The following PCBP3 variants were observed in gnomAD, a reference collection of about 807,000 sequenced individuals.
PCBP3 encodes the protein poly(rC) binding protein 3.
Under a neutral mutation model 52.7 loss-of-function variants are expected in PCBP3, and 25 were observed. The observed-to-expected ratio is 0.47, with a 90% CI of 0.35 to 0.66. PCBP3 has a LOEUF of 0.66. PCBP3 is among the 30% of genes least tolerant of loss of function. The pLI, the probability that PCBP3 is intolerant of heterozygous loss-of-function variation, is 0.01. For missense variants in PCBP3, 391 were observed against 490.3 expected (o/e 0.80, Z 1.91); for synonymous variants, 162 against 183.0 (o/e 0.89, Z 0.93).
intron 2 of PCBP3, among the ~76,000 whole-genome samples, chr21:45,734,888 C>T (rs936031701): frequency 6.6e-6 from 1 of 152,198 alleles, no homozygotes; most frequent in East Asian, 1.9e-4. Context: ...GGACAGAGGC[C>T]GGCTGTCTGT....
rs1569474835 is a variant in PCBP3 at position 45,901,744 on chromosome 21, A to AGAGACAGAGAGATGAG, written c.339+631_339+632insGAGACAGAGAGATGAG. Among the ~76,000 whole-genome samples, 208 of 86,788 alleles carry AGAGACAGAGAGATGAG rather than the reference A, an allele frequency of 2.4e-3. 1 individual carries two copies. The highest frequency in any genetic ancestry group is 0.011 in the African/African-American group (185 of 16,698). 56.9% of individuals were successfully genotyped at this position (86,788 alleles called of 152,430 possible). A position where few individuals can be genotyped will look rare whatever the true frequency, so the allele number is the denominator to read the frequency against. ...GAGAGATGAGAGAGAGAGAGACAGA[A>AGAGACAGAGAGATGAG]AGAGAGAGAGACAGAGACAGAGAGA... On this transcript the variant is annotated intron_variant, in intron 9 of 17. Coordinates refer to ENST00000681687, the MANE Select transcript of PCBP3 (RefSeq NM_001384156.1).
At chr21:45,753,439 C>T (rs979434406) in intron 3 of PCBP3, among the ~76,000 whole-genome samples, 1 of 151,544 alleles carries the variant, frequency 6.6e-6, no homozygotes, top group African/African-American at 2.4e-5. Flanking sequence ...TCTCTGTATC[C>T]GAGTGTTTTA....
In PCBP3 at chr21:45,812,032, A is replaced by T. The variant is rs187703477; in HGVS notation, c.-125-37929A>T. ...GCTTTGTATTTTTGTTGTTTTAAAA[A>T]TTTTAATATACAATTTTATCATTGT... On this transcript the variant is annotated intron_variant, in intron 4 of 17. Coordinates refer to ENST00000681687, the MANE Select transcript of PCBP3 (RefSeq NM_001384156.1). 5.7e-3 allele frequency among the ~76,000 whole-genome samples: 872 copies of T among 152,202 alleles called. 7 individuals are homozygous for T. Among genetic ancestry groups the T allele is most frequent in the African/African-American group, 0.02 (815 of 41,526 alleles).
chr21:45,679,171 T>G (rs1191986307), intron 2 of PCBP3, among the ~76,000 whole-genome samples: 1 of 151,002 alleles, frequency 6.6e-6, no homozygotes, highest in Admixed American at 6.7e-5. Context: ...CAGGCTGGAG[T>G]GTGCAGTGGT....
At chr21:45,657,806 T>C (rs1165679809) in intron 1 of PCBP3, among the ~76,000 whole-genome samples, 1 of 152,240 alleles carries the variant, frequency 6.6e-6, no homozygotes, top group Non-Finnish European at 1.5e-5. Flanking sequence ...TAATAGTTTT[T>C]TAGTGGATTC....
chr21:45,866,321 C>T (rs1393670441), intron 5 of PCBP3, among the ~76,000 whole-genome samples: 3 of 152,192 alleles, frequency 2.0e-5, no homozygotes, highest in Non-Finnish European at 2.9e-5. Context: ...AGACCTGTGG[C>T]CCAGTGACAG....
chr21:45,870,045 TTTG>T (rs1368646286), intron 5 of PCBP3, among the ~76,000 whole-genome samples: 17 of 148,672 alleles, frequency 1.1e-4, no homozygotes, highest in Admixed American at 1.1e-3. Flanking sequence ...TGAATTTATT[TTTG>T]TTCATTTATT....
At chr21:45,940,782 C>CGCCAGGCACACTGTACCCCCAGCCCCCCA (rs2077375012) in intron 17 of PCBP3, among the ~76,000 whole-genome samples, 1 of 129,346 alleles carries the variant, frequency 7.7e-6, no homozygotes, top group Non-Finnish European at 1.6e-5. Context: ...CCACCAGCCC[C>CGCCAGGCACACTGTACCCCCAGCCCCCCA]GCCAGGCACA....
intron 4 of PCBP3, among the ~76,000 whole-genome samples, chr21:45,771,328 T>C (rs2089846496): frequency 6.6e-6 from 1 of 152,246 alleles, no homozygotes; most frequent in Non-Finnish European, 1.5e-5. Flanking sequence ...TAAAGTTCTG[T>C]CTCAAGCACA....
intron 4 of PCBP3, among the ~76,000 whole-genome samples, chr21:45,832,340 C>T (rs988033769): frequency 1.3e-5 from 2 of 152,190 alleles, no homozygotes; most frequent in Non-Finnish European, 2.9e-5. Flanking sequence ...CCTGTTTTAT[C>T]AGCAGGGTCT....
chr21:45,817,129 GTTT>G lies in PCBP3; in HGVS notation c.-125-32829_-125-32827del, dbSNP rs1449124207. On this transcript the variant is annotated intron_variant, in intron 4 of 17. Coordinates refer to ENST00000681687, the MANE Select transcript of PCBP3 (RefSeq NM_001384156.1). The surrounding 1 kb of genome is among the most constrained non-coding windows in gnomAD (Gnocchi z 4.3). ...TGGGGTGTTGTGTTTGTTGTTTTTG[GTTT>G]TTATTTCTGCAGGCATCTAATTTAC... Among the ~76,000 whole-genome samples the G allele has an allele frequency of 6.6e-6, 1 of 152,162 alleles. No homozygotes were observed. The highest frequency in any genetic ancestry group is 1.5e-5 in the Non-Finnish European group (1 of 68,028).
rs1273586493 is a variant in PCBP3, at chr21:45,852,787, AC to A, written c.10+2693del. Among the ~76,000 whole-genome samples the A allele has an allele frequency of 6.6e-5, 10 of 152,386 alleles. No individual in the cohort carries two copies. The South Asian group carries it at 1.9e-3, about 28-fold the overall frequency. On this transcript the variant is annotated intron_variant, in intron 5 of 17. Transcript: ENST00000681687. The stretch of plus-strand genomic sequence containing the variant: ...GGAACACAGCCCTGTAAACACCGTG[AC>A]TTGTCTAGTGAGATCTGATTCAGAC...
chr21:45,864,685 C>G (rs554013898), intron 5 of PCBP3, among the ~76,000 whole-genome samples: 19 of 152,202 alleles, frequency 1.2e-4, no homozygotes, highest in Non-Finnish European at 1.6e-4. Flanking sequence ...AAAAATGTTC[C>G]CAGAAATAGC....
chr21:45,797,103 G>C (rs2091957705), intron 4 of PCBP3, among the ~76,000 whole-genome samples: 1 of 152,208 alleles, frequency 6.6e-6, no homozygotes, highest in Non-Finnish European at 1.5e-5. Context: ...ACATGGTACA[G>C]TATTTGGGGT....
intron 4 of PCBP3, among the ~76,000 whole-genome samples, chr21:45,775,856 T>G (rs775688914): frequency 1.3e-5 from 2 of 152,224 alleles, no homozygotes; most frequent in African/African-American, 2.4e-5. Context: ...TGATTTTTAT[T>G]ATTTCTTCTC....
intron 3 of PCBP3, among the ~76,000 whole-genome samples, chr21:45,738,288 T>TC (rs1199944294): frequency 1.3e-5 from 2 of 149,430 alleles, no homozygotes; most frequent in Non-Finnish European, 3.0e-5. Flanking sequence ...ACAGTCTAGC[T>TC]CTGTCGCCCA....
At chr21:45,797,167 T>C (rs2091961437) in intron 4 of PCBP3, among the ~76,000 whole-genome samples, 1 of 152,192 alleles carries the variant, frequency 6.6e-6, no homozygotes, top group Non-Finnish European at 1.5e-5. Flanking sequence ...GATGGACAGA[T>C]GTATGGATCC....
intron 12 of PCBP3, chr21:45,916,780 T>C (rs886132896): frequency 3.3e-5 from 5 of 152,262 alleles, no homozygotes; most frequent in African/African-American, 1.2e-4. Context: ...TCCTGACAGC[T>C]GTTCGTGGTC....
intron 4 of PCBP3, among the ~76,000 whole-genome samples, chr21:45,775,750 G>T (rs2090204251): frequency 6.6e-6 from 1 of 152,198 alleles, no homozygotes; most frequent in East Asian, 1.9e-4. Flanking sequence ...CTAGCTAGTG[G>T]TTTATCAATT....
Sources: allele counts gnomAD v4.1 joint callset (sites outside exome capture counted in the v4.1 genomes callset), GRCh38; gene constraint gnomAD v4.1.1; non-coding constraint Gnocchi (gnomAD v3.1); transcripts MANE v1.5; gene names NCBI Gene and HGNC (gene_info 2026-07-23, HGNC 2026-07-21).